Variants in ADAM12 observed in about 807,000 individuals in gnomAD.
The protein encoded by ADAM12 is disintegrin and metalloproteinase domain-containing protein 12.
Under a neutral mutation model 106.4 loss-of-function variants are expected in ADAM12, and 70 were observed. The ratio of observed to expected loss-of-function variants is 0.66; its 90% CI spans 0.54 to 0.80. The LOEUF (loss-of-function observed/expected upper bound fraction) is 0.80, where lower values mean the gene tolerates loss of function less well. Ranked by LOEUF, ADAM12 falls within the 30% of genes least tolerant of loss-of-function variation. The pLI is 0.00. For synonymous variants in ADAM12, 420 were observed against 433.5 expected, an observed-to-expected ratio of 0.97 and a Z score of 0.39; for missense variants, 1,010 against 1,171.9, an observed-to-expected ratio of 0.86 and a Z score of 2.02.
At chr10:126,054,741 G>C (rs1035659030) in intron 14 of ADAM12, among the ~76,000 whole-genome samples, 2 of 152,154 alleles carry the variant, frequency 1.3e-5, no homozygotes, top group Admixed American at 6.5e-5. Context: ...CTGACTCAAA[G>C]GTGCTGTGGA....
intron 3 of ADAM12, among the ~76,000 whole-genome samples, chr10:126,237,889 T>A (rs1196309298): frequency 6.6e-6 from 1 of 152,220 alleles, no homozygotes; most frequent in Non-Finnish European, 1.5e-5. Flanking sequence ...TCAAGGTGTG[T>A]CATTCTGTGC....
chr10:126,345,283 A>G (rs987392175), intron 1 of ADAM12, among the ~76,000 whole-genome samples: 1 of 152,150 alleles, frequency 6.6e-6, no homozygotes, highest in Admixed American at 6.5e-5. Flanking sequence ...TGAGATAACC[A>G]TGTGGTTTTT....
At chr10:126,067,311 G>A (rs1954891486) in intron 12 of ADAM12, among the ~76,000 whole-genome samples, 1 of 152,254 alleles carries the variant, frequency 6.6e-6, no homozygotes, top group Non-Finnish European at 1.5e-5. Flanking sequence ...AATCTCGCCA[G>A]GGTTGTGGAT....
intron 1 of ADAM12, among the ~76,000 whole-genome samples, chr10:126,347,971 T>C (rs1245529827): frequency 6.6e-6 from 1 of 152,212 alleles, no homozygotes; most frequent in Non-Finnish European, 1.5e-5. Context: ...CAGGTTTCCA[T>C]GGGAGTCTAG....
chr10:126,226,942 C>G (rs991342032), intron 3 of ADAM12, among the ~76,000 whole-genome samples: 4 of 152,132 alleles, frequency 2.6e-5, no homozygotes, highest in Non-Finnish European at 5.9e-5. Flanking sequence ...CTGTTTTGCT[C>G]TCTGTTCTCC....
At chr10:126,129,150 C>A (rs184128479) in intron 5 of ADAM12, among the ~76,000 whole-genome samples, 5 of 152,368 alleles carry the variant, frequency 3.3e-5, no homozygotes, top group South Asian at 2.1e-4. Context: ...CAGCTTCAGT[C>A]GAACCTCTGT....
chr10:126,318,172 A>G (rs1853953013), intron 2 of ADAM12, among the ~76,000 whole-genome samples: 1 of 152,124 alleles, frequency 6.6e-6, no homozygotes, highest in African/African-American at 2.4e-5. Context: ...TGCAGCTTGC[A>G]GTGCCAGAAA....
intron 14 of ADAM12, among the ~76,000 whole-genome samples, chr10:126,060,355 G>A (rs1283908034): frequency 6.6e-6 from 1 of 152,196 alleles, no homozygotes; most frequent in Non-Finnish European, 1.5e-5. Flanking sequence ...TGGGTCGCCA[G>A]ATCTGGAGGG....
At chr10:126,361,890 A>G (rs1370485048) in intron 1 of ADAM12, among the ~76,000 whole-genome samples, 1 of 152,106 alleles carries the variant, frequency 6.6e-6, no homozygotes, top group African/African-American at 2.4e-5. Flanking sequence ...TTTTTTTTAG[A>G]TTTGTCCCAA....
At chr10:126,101,366 C>G (rs1955664590) in intron 8 of ADAM12, 125 bp from the exon 9 acceptor site, 1 of 915,626 alleles carries the variant, frequency 1.1e-6, no homozygotes, top group African/African-American at 1.7e-5. Flanking sequence ...TATCTCTGTG[C>G]TCTTTGGTTC....
intron 3 of ADAM12, among the ~76,000 whole-genome samples, chr10:126,165,446 G>A (rs1446468490): frequency 1.3e-5 from 2 of 152,204 alleles, no homozygotes; most frequent in African/African-American, 4.8e-5. Context: ...CGTGAGCCAC[G>A]GTGCCCAGCC....
chr10:126,387,921 A>C, intron 1 of ADAM12, 137 bp downstream of exon 1: 3 of 1,102,204 alleles, frequency 2.7e-6, no homozygotes, highest in South Asian at 4.5e-5. Context: ...CCGCGCTGGA[A>C]GCGCAAGCCC....
intron 2 of ADAM12, among the ~76,000 whole-genome samples, chr10:126,328,252 C>T (rs1271924717): frequency 6.6e-6 from 1 of 152,208 alleles, no homozygotes; most frequent in African/African-American, 2.4e-5. Context: ...ATAATAGGTG[C>T]TTAGTTAAAA....
At chr10:126,372,303 CA>C (rs1387675165) in intron 1 of ADAM12, among the ~76,000 whole-genome samples, 2 of 152,190 alleles carry the variant, frequency 1.3e-5, no homozygotes, top group African/African-American at 4.8e-5. Context: ...CCTGTACCAT[CA>C]AAAGAGAAGA....
intron 20 of ADAM12, among the ~76,000 whole-genome samples, chr10:126,036,825 G>A (rs903193538): frequency 1.3e-5 from 2 of 152,176 alleles, no homozygotes; most frequent in Non-Finnish European, 2.9e-5. Flanking sequence ...TCTTAGAACA[G>A]GTGCTGCAGG....
At chr10:126,303,203 A>G (rs758953422) in intron 2 of ADAM12, among the ~76,000 whole-genome samples, 1 of 152,208 alleles carries the variant, frequency 6.6e-6, no homozygotes, top group African/African-American at 2.4e-5. Flanking sequence ...TAAAATCCCC[A>G]TTCATCACTG....
chr10:126,302,959 G>C (rs555779267), intron 2 of ADAM12, among the ~76,000 whole-genome samples: 1 of 152,274 alleles, frequency 6.6e-6, no homozygotes, highest in African/African-American at 2.4e-5. Context: ...GAGGGGGCAT[G>C]GTTTTGGAAC....
chr10:126,142,654 G>A (rs1035811237), intron 4 of ADAM12, among the ~76,000 whole-genome samples: 5 of 152,048 alleles, frequency 3.3e-5, no homozygotes, highest in Non-Finnish European at 5.9e-5. Flanking sequence ...TTTGGCGGGG[G>A]GCCTGTTCCC....
At chr10:126,229,224 G>A (rs1368469061) in intron 3 of ADAM12, among the ~76,000 whole-genome samples, 4 of 152,124 alleles carry the variant, frequency 2.6e-5, no homozygotes, top group Admixed American at 6.5e-5. Context: ...TCCGGTGGAG[G>A]GAGGGGAATC....
Sources: gnomAD v4.1 joint callset for allele counts (sites outside exome capture counted in the v4.1 genomes callset) on GRCh38, gnomAD v4.1.1 for gene constraint, MANE v1.5 for transcripts, NCBI Gene and HGNC (gene_info 2026-07-23, HGNC 2026-07-21) for gene names.